SLC36A4: variants seen among roughly 807,000 people sequenced by gnomAD.
The protein encoded by SLC36A4 is solute carrier family 36 member 4.
In SLC36A4, 49 loss-of-function variants were observed where a neutral mutation model predicts 50.5. The ratio of observed to expected loss-of-function variants is 0.97; its 90% CI spans 0.77 to 1.23. SLC36A4 has a LOEUF of 1.23. Among genes scored for constraint, SLC36A4 ranks in the 50% most tolerant of loss-of-function variants. The probability of loss-of-function intolerance (pLI) is 0.00; values close to 1 mark genes in which losing one functional copy is unlikely to be tolerated. For missense variants in SLC36A4, 611 were observed against 608.4 expected (o/e 1.00, Z -0.05); for synonymous variants, 207 against 206.5 (o/e 1.00, Z -0.02).
chr11:93,182,946 A>C, intron 3 of SLC36A4, 52 bp from the exon 4 acceptor site: 1 of 1,302,182 alleles, frequency 7.7e-7, no homozygotes, highest in Non-Finnish European at 1.1e-6. Flanking sequence ...AAATTGAGTA[A>C]TCTTATAAGC....
chr11:93,184,624 G>A, intron 2 of SLC36A4, 104 bp from the exon 3 acceptor site: 1 of 683,458 alleles, frequency 1.5e-6, no homozygotes, highest in Admixed American at 2.7e-5. Flanking sequence ...ATCTAGGCAA[G>A]GAACCAAATA....
At chr11:93,190,391 C>T (rs1434970682) in intron 1 of SLC36A4, among the ~76,000 whole-genome samples, 1 of 151,792 alleles carries the variant, frequency 6.6e-6, no homozygotes, top group East Asian at 1.9e-4. Context: ...CCAACACACA[C>T]AAAAAAAGGA....
rs1213223684 is a variant in SLC36A4 at position 93,148,484 on chromosome 11, T to A, written c.*53A>T. The A allele has an allele frequency of 4.7e-6, 7 of 1,475,784 alleles. No homozygotes were observed. The East Asian group carries it at 1.6e-4, about 33-fold the overall frequency. The allele number at this position is 1,475,784 out of a possible 1,614,324, so 91.4% of individuals were successfully genotyped here. A position where few individuals can be genotyped will look rare whatever the true frequency, so the allele number is the denominator to read the frequency against. Reference sequence around the variant, plus strand: ...ATAGCAATGTATTTTACTAGTTATCTTGATAATTTTCAGAAATGGGACAAA... The same window carrying A: ...ATAGCAATGTATTTTACTAGTTATCATGATAATTTTCAGAAATGGGACAAA... On this transcript the variant is annotated 3_prime_UTR_variant, in exon 11 of 11. Transcript: ENST00000326402.
intron 1 of SLC36A4, among the ~76,000 whole-genome samples, chr11:93,188,142 T>C (rs1862070057): frequency 6.6e-6 from 1 of 152,180 alleles, no homozygotes; most frequent in Non-Finnish European, 1.5e-5. Flanking sequence ...TACTTATAGA[T>C]AATTTGAGGT....
At chr11:93,189,156 C>G (rs969595675) in intron 1 of SLC36A4, among the ~76,000 whole-genome samples, 1 of 151,846 alleles carries the variant, frequency 6.6e-6, no homozygotes, top group African/African-American at 2.4e-5. Context: ...TCTGCCCCGC[C>G]AAGTTCAAGC....
chr11:93,190,339 T>C (rs1412057739), intron 1 of SLC36A4, among the ~76,000 whole-genome samples: 3 of 152,284 alleles, frequency 2.0e-5, no homozygotes, highest in South Asian at 4.1e-4. Context: ...AATAATTTGT[T>C]ATGTATTTCA....
At chr11:93,175,439 C>CT (rs1397032607) in intron 6 of SLC36A4, among the ~76,000 whole-genome samples, 2 of 151,202 alleles carry the variant, frequency 1.3e-5, no homozygotes, top group African/African-American at 4.8e-5. Flanking sequence ...TTTTGTGTCT[C>CT]TATTTCCTTC....
At chr11:93,158,103 T>C (rs1730086443) in intron 9 of SLC36A4, among the ~76,000 whole-genome samples, 1 of 152,176 alleles carries the variant, frequency 6.6e-6, no homozygotes, top group Non-Finnish European at 1.5e-5. Flanking sequence ...GCTAACAACA[T>C]TTAAAACTTA....
At chr11:93,168,931 C>T (rs1861008193) in intron 6 of SLC36A4, among the ~76,000 whole-genome samples, 1 of 152,030 alleles carries the variant, frequency 6.6e-6, no homozygotes, top group Non-Finnish European at 1.5e-5. Context: ...CAATTAATCA[C>T]ATAACACTAC....
rs369502403 is a variant in SLC36A4, at chr11:93,148,506, C to G, written c.*31G>C. ...ATCTTGATAATTTTCAGAAATGGGA[C>G]AAAAATAGAAGACTCATGATTCTGC... is the stretch of plus-strand genomic sequence containing the variant. On this transcript the variant is annotated 3_prime_UTR_variant, in exon 11 of 11. Transcript: ENST00000326402. 1 of 1,569,496 alleles carries G rather than the reference C, an allele frequency of 6.4e-7. No individual in the cohort carries two copies. Among genetic ancestry groups the G allele is most frequent in the South Asian group, 1.2e-5 (1 of 84,088 alleles).
intron 6 of SLC36A4, chr11:93,171,222 C>T (rs1861119286): frequency 6.6e-6 from 1 of 151,976 alleles, no homozygotes; most frequent in Non-Finnish European, 1.5e-5. Flanking sequence ...CTTTTTCTAC[C>T]TGATCTTCTT....
chr11:93,196,491 C>G (rs985856645), intron 1 of SLC36A4, among the ~76,000 whole-genome samples: 4 of 152,102 alleles, frequency 2.6e-5, no homozygotes, highest in Admixed American at 6.5e-5. Context: ...CTCAGCCACC[C>G]GAGTAGCTGG....
intron 6 of SLC36A4, among the ~76,000 whole-genome samples, chr11:93,179,649 T>A (rs1861648617): frequency 1.3e-5 from 2 of 152,190 alleles, no homozygotes; most frequent in Admixed American, 6.5e-5. Context: ...AGCTATGAAC[T>A]CTTTTATAAA....
chr11:93,156,969 A>G (rs986336571), intron 9 of SLC36A4, among the ~76,000 whole-genome samples: 11 of 152,052 alleles, frequency 7.2e-5, no homozygotes, highest in Admixed American at 5.9e-4. Context: ...GGGTTTTTAT[A>G]GTCTGGGGTT....
At chr11:93,188,118 A>G (rs1296534907) in intron 1 of SLC36A4, among the ~76,000 whole-genome samples, 1 of 152,120 alleles carries the variant, frequency 6.6e-6, no homozygotes, top group African/African-American at 2.4e-5. Context: ...AGCAACAAAA[A>G]TTTTCTGTTT....
Position 93,177,508 on chromosome 11 carries a change from G to A in SLC36A4, c.540+3289C>T, listed in dbSNP as rs191639291. Among the ~76,000 whole-genome samples the A allele has an allele frequency of 1.7e-3, 259 of 152,128 alleles. 1 individual carries two copies. Among genetic ancestry groups the A allele is most frequent in the African/African-American group, 6.0e-3 (248 of 41,544 alleles). On this transcript the variant is annotated intron_variant, in intron 6 of 10. Coordinates refer to ENST00000326402, the MANE Select transcript of SLC36A4 (RefSeq NM_152313.4). ...TGTTCCGTTGCTGGCGAGGAGCTGCGTTCCTTTGGCCTTTGAGGATGGTAA... is the reference window on the plus strand; with the variant it reads ...TGTTCCGTTGCTGGCGAGGAGCTGCATTCCTTTGGCCTTTGAGGATGGTAA...
intron 1 of SLC36A4, among the ~76,000 whole-genome samples, chr11:93,189,663 G>A (rs967502625): frequency 1.3e-5 from 2 of 152,056 alleles, no homozygotes; most frequent in African/African-American, 4.8e-5. Flanking sequence ...AGTATGTTCT[G>A]TGCTGTACTA....
At chr11:93,191,938 T>C (rs1225308339) in intron 1 of SLC36A4, among the ~76,000 whole-genome samples, 1 of 152,186 alleles carries the variant, frequency 6.6e-6, no homozygotes, top group Non-Finnish European at 1.5e-5. Flanking sequence ...ACTGAATGTA[T>C]TCAATTAAAT....
At chr11:93,160,457 C>T (rs541520734) in intron 9 of SLC36A4, 3 of 985,328 alleles carry the variant, frequency 3.0e-6, no homozygotes, top group East Asian at 2.3e-4. Flanking sequence ...CAACTAGTTC[C>T]ATTCTAATTG....
Sources: allele counts gnomAD v4.1 joint callset (sites outside exome capture counted in the v4.1 genomes callset), GRCh38; gene constraint gnomAD v4.1.1; transcripts MANE v1.5; gene names NCBI Gene and HGNC (gene_info 2026-07-23, HGNC 2026-07-21).